NEGR1: variants seen among roughly 807,000 people sequenced by gnomAD.
NEGR1 encodes IgLON family member 4.
NEGR1 carries 10 observed loss-of-function variants against 40.9 expected under a neutral mutation model. The ratio of observed to expected loss-of-function variants is 0.24; its 90% CI spans 0.15 to 0.42. The LOEUF (loss-of-function observed/expected upper bound fraction) is 0.42. Ranked by LOEUF, NEGR1 falls within the 10% of genes least tolerant of loss-of-function variation. The pLI is 1.00. For missense variants in NEGR1, 352 were observed against 438.9 expected, an observed-to-expected ratio of 0.80 and a Z score of 1.77; for synonymous variants, 185 against 166.8, an observed-to-expected ratio of 1.11 and a Z score of -0.84.
At chr1:71,765,913 C>T (rs1175323382) in intron 3 of NEGR1, among the ~76,000 whole-genome samples, 3 of 151,336 alleles carry the variant, frequency 2.0e-5, no homozygotes, top group Admixed American at 1.3e-4. Flanking sequence ...CGGTGGCTCA[C>T]GCCTGTAATC....
At chr1:71,514,943 C>A (rs1201818856) in intron 6 of NEGR1, among the ~76,000 whole-genome samples, 1 of 96,924 alleles carries the variant, frequency 1.0e-5, no homozygotes, top group East Asian at 3.4e-4. Flanking sequence ...GCCTCAGGAG[C>A]CGATGCGATC....
chr1:71,877,163 A>C (rs923678532), intron 2 of NEGR1, among the ~76,000 whole-genome samples: 3 of 151,856 alleles, frequency 2.0e-5, no homozygotes, highest in East Asian at 1.9e-4. Flanking sequence ...CAAAAAAAAA[A>C]CAAAAAAAGG....
chr1:71,717,014 A>G (rs1277723097), intron 3 of NEGR1, among the ~76,000 whole-genome samples: 1 of 152,190 alleles, frequency 6.6e-6, no homozygotes, highest in Non-Finnish European at 1.5e-5. Flanking sequence ...AGTGCCTGCA[A>G]AAGTACCGGC....
In NEGR1 at chr1:71,678,013, C is replaced by A. The variant is rs935951382; in HGVS notation, c.667+19995G>T. On this transcript the variant is annotated intron_variant, in intron 4 of 6. Transcript: ENST00000357731. The stretch of plus-strand genomic sequence containing the variant: ...AATTTGTGTCCTGAGATGGACTGAG[C>A]CTCAGATTCCATTACTTTATTTTTT... Among the ~76,000 whole-genome samples the A allele has an allele frequency of 4.6e-5, 7 of 152,006 alleles. No homozygotes were observed. The South Asian group carries it at 8.3e-4, about 18-fold the overall frequency.
rs377570912 is a variant in NEGR1, at chr1:72,282,284, C to A, written c.176+35G>T. 1.2e-5 allele frequency: 20 copies of A among 1,610,330 alleles called. No individual in the cohort carries two copies. In the African/African-American group the frequency reaches 2.5e-4, roughly 20 times the overall value. On this transcript the variant is annotated intron_variant, in intron 1 of 6. Transcript: ENST00000357731. ...TTCAAAGAGAGACAGAAAGATAGACCGAAACAAGTACGAAAAGCACGCCGT... is the reference window on the plus strand; with the variant it reads ...TTCAAAGAGAGACAGAAAGATAGACAGAAACAAGTACGAAAAGCACGCCGT...
intron 6 of NEGR1, among the ~76,000 whole-genome samples, chr1:71,550,327 T>G (rs1648034657): frequency 6.6e-6 from 1 of 151,650 alleles, no homozygotes; most frequent in Non-Finnish European, 1.5e-5. Context: ...CAATTGACAC[T>G]ATGTTGTGTC....
intron 1 of NEGR1, among the ~76,000 whole-genome samples, chr1:72,128,881 T>C (rs1650133036): frequency 6.6e-6 from 1 of 152,136 alleles, no homozygotes; most frequent in Non-Finnish European, 1.5e-5. Context: ...AAAATGTTAA[T>C]AGCCTAAATG....
chr1:72,056,262 A>T (rs1333163815), intron 1 of NEGR1, among the ~76,000 whole-genome samples: 5 of 151,310 alleles, frequency 3.3e-5, no homozygotes, highest in African/African-American at 1.2e-4. Context: ...TTCAGGAGAG[A>T]GGCTTTGTGA....
At chr1:72,201,957 GT>G (rs1387709932) in intron 1 of NEGR1, among the ~76,000 whole-genome samples, 1 of 151,858 alleles carries the variant, frequency 6.6e-6, no homozygotes, top group African/African-American at 2.4e-5. Context: ...ACAAATTGAA[GT>G]TTTGTGGCAT....
At chr1:71,881,729 T>C (rs533355132) in intron 2 of NEGR1, among the ~76,000 whole-genome samples, 1 of 152,208 alleles carries the variant, frequency 6.6e-6, no homozygotes, top group African/African-American at 2.4e-5. Flanking sequence ...CTTTCCCCTA[T>C]TGTAATCATG....
At chr1:71,883,498 A>G (rs1236799041) in intron 2 of NEGR1, among the ~76,000 whole-genome samples, 1 of 152,198 alleles carries the variant, frequency 6.6e-6, no homozygotes, top group East Asian at 1.9e-4. Context: ...ATTTGAGAAG[A>G]GATAGAGTCT....
chr1:72,150,970 G>A (rs369560552), intron 1 of NEGR1, among the ~76,000 whole-genome samples: 3 of 151,602 alleles, frequency 2.0e-5, no homozygotes, highest in Admixed American at 2.0e-4. Context: ...GACTCCTTTA[G>A]CAATTGTTAT....
At position 71,611,061 on chromosome 1, in the gene NEGR1, C is replaced by A. The variant is rs369017807; in HGVS notation, c.753G>T (p.Pro251=). The A allele has an allele frequency of 6.2e-7, 1 of 1,613,822 alleles. No homozygotes were observed. Among genetic ancestry groups the A allele is most frequent in the East Asian group, 2.2e-5 (1 of 44,864 alleles). Residue 251 remains proline (P), a synonymous_variant, in exon 5 of 7, where the codon CCG becomes CCT. Transcript: ENST00000357731. ...GLIRCEGAGV[P]PPAFEWYKGE... The stretch of plus-strand genomic sequence containing the variant: ...CTTTGTACCATTCAAAGGCTGGAGG[C>A]GGCACACCTGCACCTTCACATCTTA...
At chr1:71,661,755 T>C (rs1453464024) in intron 4 of NEGR1, among the ~76,000 whole-genome samples, 2 of 152,170 alleles carry the variant, frequency 1.3e-5, no homozygotes, top group Non-Finnish European at 2.9e-5. Flanking sequence ...CTAACTATAT[T>C]AATAGAGTTA....
chr1:72,187,664 C>A (rs1652660767), intron 1 of NEGR1, among the ~76,000 whole-genome samples: 1 of 6,458 alleles, frequency 1.5e-4, no homozygotes, highest in Non-Finnish European at 3.2e-4. Flanking sequence ...CAATCCAAAC[C>A]TGGTATATTT....
At position 71,569,872 on chromosome 1, in the gene NEGR1, T is replaced by A. The variant is rs528317384; in HGVS notation, c.940+22945A>T. On this transcript the variant is annotated intron_variant, in intron 6 of 6. Transcript: ENST00000357731. Reference sequence around the variant, plus strand: ...AGAAAAGATCAGACACAAGTGTGGCTCACCAACGGGGTCACTTCATTTCCC... The same window carrying A: ...AGAAAAGATCAGACACAAGTGTGGCACACCAACGGGGTCACTTCATTTCCC... Among the ~76,000 whole-genome samples the A allele has an allele frequency of 1.0e-3, 159 of 152,290 alleles. 1 individual carries two copies. The highest frequency in any genetic ancestry group is 3.8e-3 in the African/African-American group (156 of 41,566).
intron 1 of NEGR1, among the ~76,000 whole-genome samples, chr1:71,935,590 C>T (rs761104352): frequency 6.6e-6 from 1 of 151,574 alleles, no homozygotes; most frequent in Admixed American, 6.6e-5. Context: ...TAGTCAAAAG[C>T]CTTTTTCATT....
Position 71,775,717 on chromosome 1 carries a change from C to T in NEGR1, c.535+455G>A, listed in dbSNP as rs942611794. 9.9e-5 allele frequency among the ~76,000 whole-genome samples: 15 copies of T among 151,084 alleles called. No individual in the cohort carries two copies. In the South Asian group the frequency reaches 1.1e-3, roughly 11 times the overall value. ...TATAAAAATATGCATTTTGGCCAGG[C>T]GCGATGGCTCATGCCTGTAATCCCA... On this transcript the variant is annotated intron_variant, in intron 3 of 6. Transcript: ENST00000357731.
intron 4 of NEGR1, among the ~76,000 whole-genome samples, chr1:71,685,573 G>A (rs1653005609): frequency 6.6e-6 from 1 of 152,088 alleles, no homozygotes. Context: ...GTCCGCATTG[G>A]CTTTCCAAAG....
Sources: gnomAD v4.1 joint callset for allele counts (sites outside exome capture counted in the v4.1 genomes callset) on GRCh38, gnomAD v4.1.1 for gene constraint, MANE v1.5 for transcripts, NCBI Gene and HGNC (gene_info 2026-07-23, HGNC 2026-07-21) for gene names.